The following KCNB2 variants were observed in gnomAD, a reference collection of about 807,000 sequenced individuals.
KCNB2 encodes the protein potassium voltage-gated channel subfamily B member 2.
In KCNB2, 15 loss-of-function variants were observed where a neutral mutation model predicts 61.5. The ratio of observed to expected loss-of-function variants is 0.24; its 90% CI spans 0.16 to 0.38. The LOEUF (loss-of-function observed/expected upper bound fraction) is 0.38. KCNB2 is among the 10% of genes least tolerant of loss of function. KCNB2 has a pLI of 1.00. For missense variants in KCNB2, 828 were observed against 1,125.2 expected, an observed-to-expected ratio of 0.74 and a Z score of 3.78; for synonymous variants, 457 against 446.0, an observed-to-expected ratio of 1.02 and a Z score of -0.31.
rs767771178 is a variant in KCNB2 at position 72,936,978 on chromosome 8, G to A, written c.1623G>A (p.Glu541=). The A allele has an allele frequency of 1.9e-6, 3 of 1,614,052 alleles. No individual in the cohort carries two copies. The highest frequency in any genetic ancestry group is 2.5e-6 in the Non-Finnish European group (3 of 1,180,022). Residue 541 remains glutamate, a synonymous_variant, in exon 3 of 3, where the codon GAG becomes GAA. Coordinates refer to ENST00000523207, the MANE Select transcript of KCNB2 (RefSeq NM_004770.3). The surrounding 1 kb of genome is among the most constrained non-coding windows in gnomAD (Gnocchi z 5.6). ...AGCATCTGAGTGCCCAGAAACTGGA[G>A]ATGCTATACAATGAAATCACCAAGA... The part of the protein sequence containing the change: ...SPQHLSAQKL[E]MLYNEITKTQ...
chr8:72,675,237 G>A (rs1267561011), intron 2 of KCNB2, among the ~76,000 whole-genome samples: 1 of 152,122 alleles, frequency 6.6e-6, no homozygotes, highest in African/African-American at 2.4e-5. Flanking sequence ...TTTAATCAAA[G>A]CTTTTATGTT....
At chr8:72,698,889 A>G (rs982151008) in intron 2 of KCNB2, among the ~76,000 whole-genome samples, 6 of 152,188 alleles carry the variant, frequency 3.9e-5, no homozygotes, top group Admixed American at 1.3e-4. Context: ...ATTTAAATGT[A>G]AGACCGCAAA....
intron 2 of KCNB2, among the ~76,000 whole-genome samples, chr8:72,582,068 T>C (rs1806907970): frequency 6.6e-6 from 1 of 152,174 alleles, no homozygotes; most frequent in Non-Finnish European, 1.5e-5. Context: ...TCAAGTGCAT[T>C]GGTTACCAAC....
At chr8:72,806,841 A>G (rs1809233447) in intron 2 of KCNB2, among the ~76,000 whole-genome samples, 1 of 152,184 alleles carries the variant, frequency 6.6e-6, no homozygotes, top group Admixed American at 6.5e-5. Context: ...TTAGCAAACT[A>G]ATTTCAGATT....
intron 2 of KCNB2, among the ~76,000 whole-genome samples, chr8:72,824,611 A>G (rs983406501): frequency 6.6e-6 from 1 of 152,194 alleles, no homozygotes; most frequent in Non-Finnish European, 1.5e-5. Flanking sequence ...CTGCAAATGC[A>G]GGCCCATCCC....
At chr8:72,728,581 T>G (rs746862488) in intron 2 of KCNB2, among the ~76,000 whole-genome samples, 1 of 152,186 alleles carries the variant, frequency 6.6e-6, no homozygotes, top group Non-Finnish European at 1.5e-5. Flanking sequence ...CACCAGCAGA[T>G]GTAGATAGAT....
At chr8:72,885,105 A>G (rs1008320981) in intron 2 of KCNB2, among the ~76,000 whole-genome samples, 2 of 152,146 alleles carry the variant, frequency 1.3e-5, no homozygotes, top group Non-Finnish European at 2.9e-5. Flanking sequence ...ATATGATCAT[A>G]TATGGTTTAT....
chr8:72,584,403 C>G (rs1806964226), intron 2 of KCNB2, among the ~76,000 whole-genome samples: 1 of 152,114 alleles, frequency 6.6e-6, no homozygotes, highest in Admixed American at 6.5e-5. Flanking sequence ...TTTCTCACCT[C>G]TGCTCCTCAG....
chr8:72,782,723 A>G lies in KCNB2; in HGVS notation c.580-153212A>G, dbSNP rs1288521050. On this transcript the variant is annotated intron_variant, in intron 2 of 2. Coordinates refer to ENST00000523207, the MANE Select transcript of KCNB2 (RefSeq NM_004770.3). ...CCCACTTCCCTCAAATAATTTTCCC[A>G]ATATTTGTCTCGCTGGCTGTGAGTG... Among the ~76,000 whole-genome samples the G allele has an allele frequency of 3.3e-5, 5 of 151,992 alleles. No individual in the cohort carries two copies. In the East Asian group the frequency reaches 9.7e-4, roughly 29 times the overall value.
chr8:72,743,695 T>C (rs1808007458), intron 2 of KCNB2, among the ~76,000 whole-genome samples: 1 of 152,234 alleles, frequency 6.6e-6, no homozygotes, highest in African/African-American at 2.4e-5. Context: ...CAACCAATGG[T>C]ATTTTTTCTG....
chr8:72,543,133 C>A (rs1585742140), intron 1 of KCNB2, among the ~76,000 whole-genome samples: 2 of 152,026 alleles, frequency 1.3e-5, no homozygotes, highest in African/African-American at 4.8e-5. Context: ...TTGTAATGTC[C>A]CCTTTACTTT....
chr8:72,649,717 C>T (rs531649463), intron 2 of KCNB2, among the ~76,000 whole-genome samples: 2 of 152,240 alleles, frequency 1.3e-5, no homozygotes, highest in East Asian at 3.9e-4. Flanking sequence ...TATCCTAGCC[C>T]TCTGTCATAG....
At chr8:72,842,611 A>G (rs1269022032) in intron 2 of KCNB2, among the ~76,000 whole-genome samples, 1 of 152,056 alleles carries the variant, frequency 6.6e-6, no homozygotes, top group Non-Finnish European at 1.5e-5. Flanking sequence ...TCAATTTCAG[A>G]GCATGTTATT....
At chr8:72,863,793 T>G (rs1805458499) in intron 2 of KCNB2, among the ~76,000 whole-genome samples, 1 of 152,174 alleles carries the variant, frequency 6.6e-6, no homozygotes, top group Non-Finnish European at 1.5e-5. Flanking sequence ...GCAGATGGCT[T>G]GAGCCATGGA....
At position 72,850,285 on chromosome 8, in the gene KCNB2, T is replaced by C. The variant is rs960192011; in HGVS notation, c.580-85650T>C. ...CCCAGGCTGGAATGCTGGGGTACGA[T>C]CTTGGCTCACTGCAACCTCCACCTC... On this transcript the variant is annotated intron_variant, in intron 2 of 2. Coordinates refer to ENST00000523207, the MANE Select transcript of KCNB2 (RefSeq NM_004770.3). Among the ~76,000 whole-genome samples, 15 of 151,722 alleles carry C rather than the reference T, an allele frequency of 9.9e-5. 1 individual carries two copies. Among genetic ancestry groups the C allele is most frequent in the Admixed American group, 7.9e-4 (12 of 15,198 alleles).
chr8:72,902,286 C>A (rs764195508), intron 2 of KCNB2, among the ~76,000 whole-genome samples: 1 of 152,046 alleles, frequency 6.6e-6, no homozygotes, highest in Non-Finnish European at 1.5e-5. Context: ...ACTTAAGGAA[C>A]AAAGGACCAT....
intron 2 of KCNB2, among the ~76,000 whole-genome samples, chr8:72,598,289 G>A (rs986965665): frequency 9.9e-5 from 14 of 141,690 alleles, no homozygotes; most frequent in Non-Finnish European, 1.7e-4. Context: ...TGCAAGGCTG[G>A]TTCAACATAT....
chr8:72,657,380 A>G (rs1003791966), intron 2 of KCNB2, among the ~76,000 whole-genome samples: 1 of 152,188 alleles, frequency 6.6e-6, no homozygotes, highest in Admixed American at 6.5e-5. Context: ...TATTCAGTTA[A>G]TAACATATTA....
rs191798956 is a variant in KCNB2, at chr8:72,700,250, G to C, written c.579+131937G>C. Among the ~76,000 whole-genome samples, 51 of 151,982 alleles carry C rather than the reference G, an allele frequency of 3.4e-4. No homozygotes were observed. In the East Asian group the frequency reaches 9.1e-3, roughly 27 times the overall value. ...TAGGACAAATACCTAATGCATGCAG[G>C]TCTTAAAACCCAGATGATGAGTTGA... On this transcript the variant is annotated intron_variant, in intron 2 of 2. Transcript: ENST00000523207.
Sources: allele counts gnomAD v4.1 joint callset (sites outside exome capture counted in the v4.1 genomes callset), GRCh38; gene constraint gnomAD v4.1.1; non-coding constraint Gnocchi (gnomAD v3.1); transcripts MANE v1.5; gene names NCBI Gene and HGNC (gene_info 2026-07-23, HGNC 2026-07-21).